Variants in KATNAL2 observed in about 807,000 individuals in gnomAD.
The protein encoded by KATNAL2 is katanin catalytic subunit A1 like 2, also known as katanin p60 ATPase-containing subunit A-like 2.
KATNAL2 carries 52 observed loss-of-function variants against 76.3 expected under a neutral mutation model. That is an observed-to-expected ratio of 0.68 (90% CI 0.55 to 0.86). The LOEUF is 0.86. KATNAL2 is among the 40% of genes least tolerant of loss of function. The pLI, the probability that KATNAL2 is intolerant of heterozygous loss-of-function variation, is 0.00. For synonymous variants in KATNAL2, 243 were observed against 244.2 expected, an observed-to-expected ratio of 1.00 and a Z score of 0.05; for missense variants, 660 against 668.9, an observed-to-expected ratio of 0.99 and a Z score of 0.15.
intron 15 of KATNAL2, among the ~76,000 whole-genome samples, chr18:47,097,797 TG>T (rs1264855493): frequency 1.3e-5 from 2 of 152,206 alleles, no homozygotes; most frequent in African/African-American, 4.8e-5. Flanking sequence ...ACTTGTGTCA[TG>T]GGGGTTTGCT....
chr18:47,063,814 G>A (rs973729545), intron 10 of KATNAL2, among the ~76,000 whole-genome samples: 10 of 152,248 alleles, frequency 6.6e-5, no homozygotes, highest in Admixed American at 1.3e-4. Flanking sequence ...TCCAGACTAC[G>A]GACTTTTCCA....
At chr18:46,930,547 G>A (rs1373579909) in intron 1 of KATNAL2, among the ~76,000 whole-genome samples, 2 of 152,174 alleles carry the variant, frequency 1.3e-5, no homozygotes, top group South Asian at 2.1e-4. Context: ...CGGGTGCGAC[G>A]GCTCACACCT....
At chr18:46,930,797 A>G (rs900926940) in intron 1 of KATNAL2, among the ~76,000 whole-genome samples, 1 of 149,944 alleles carries the variant, frequency 6.7e-6, no homozygotes, top group Non-Finnish European at 1.5e-5. Flanking sequence ...ACAGAGTGAG[A>G]CTCCATGTTA....
At chr18:47,043,907 G>A in intron 3 of KATNAL2, among the ~76,000 whole-genome samples, 1 of 152,048 alleles carries the variant, frequency 6.6e-6, no homozygotes, top group Non-Finnish European at 1.5e-5. Flanking sequence ...TCCTAATAAT[G>A]TAATCAGCAA....
chr18:47,034,314 C>A (rs2060646628), intron 3 of KATNAL2: 1 of 1,612,846 alleles, frequency 6.2e-7, no homozygotes, highest in Non-Finnish European at 8.5e-7. Context: ...CTAGACTGGG[C>A]CTCTTCTTGT....
intron 3 of KATNAL2, chr18:47,034,973 G>C (rs963166141): frequency 6.2e-7 from 1 of 1,611,572 alleles, no homozygotes; most frequent in African/African-American, 1.3e-5. Context: ...TCCCCGAAGC[G>C]CTGTCGGGAA....
At chr18:47,043,093 G>A (rs1447839999) in intron 3 of KATNAL2, among the ~76,000 whole-genome samples, 1 of 152,076 alleles carries the variant, frequency 6.6e-6, no homozygotes, top group Non-Finnish European at 1.5e-5. Flanking sequence ...CGAGCGTGGT[G>A]GCGGGCGTCT....
chr18:47,034,460 C>A, intron 3 of KATNAL2: 1 of 1,614,170 alleles, frequency 6.2e-7, no homozygotes, highest in Non-Finnish European at 8.5e-7. Flanking sequence ...CTGGCACTTG[C>A]CCAGGAGGGC....
chr18:47,090,703 G>A (rs553033730), intron 15 of KATNAL2, among the ~76,000 whole-genome samples: 5 of 152,268 alleles, frequency 3.3e-5, no homozygotes, highest in African/African-American at 7.2e-5. Flanking sequence ...AACATGACTC[G>A]ACTTTTGATA....
At chr18:47,035,293 C>G (rs1244699447) in intron 3 of KATNAL2, 2 of 1,611,834 alleles carry the variant, frequency 1.2e-6, no homozygotes, top group South Asian at 2.2e-5. Flanking sequence ...GCGTCGCTGT[C>G]CCGGCGGTCG....
At chr18:47,042,739 A>T (rs2061004514) in intron 3 of KATNAL2, among the ~76,000 whole-genome samples, 1 of 152,206 alleles carries the variant, frequency 6.6e-6, no homozygotes, top group African/African-American at 2.4e-5. Context: ...TCAGTTCAGG[A>T]TATCCCCTAT....
intron 5 of KATNAL2, among the ~76,000 whole-genome samples, chr18:47,053,722 G>C (rs918724058): frequency 6.6e-6 from 1 of 152,212 alleles, no homozygotes; most frequent in Admixed American, 6.5e-5. Context: ...GGGAAACCAA[G>C]AGGAACATCA....
intron 3 of KATNAL2, among the ~76,000 whole-genome samples, chr18:46,952,651 G>A (rs1280080681): frequency 2.6e-5 from 4 of 151,784 alleles, no homozygotes; most frequent in South Asian, 2.1e-4. Flanking sequence ...CACCTGCCTC[G>A]GCCTTCTGAA....
intron 1 of KATNAL2, among the ~76,000 whole-genome samples, chr18:46,931,149 A>T (rs2059401571): frequency 6.8e-6 from 1 of 146,328 alleles, no homozygotes; most frequent in South Asian, 2.2e-4. Flanking sequence ...TAAATAAATA[A>T]ATTAGCCAGG....
intron 3 of KATNAL2, among the ~76,000 whole-genome samples, chr18:47,040,073 C>T (rs2060911620): frequency 6.6e-6 from 1 of 152,186 alleles, no homozygotes; most frequent in African/African-American, 2.4e-5. Flanking sequence ...TTATTTACAG[C>T]AGGTCTGCAA....
At chr18:47,033,015 G>A in intron 3 of KATNAL2, 1 of 1,614,136 alleles carries the variant, frequency 6.2e-7, no homozygotes, top group Non-Finnish European at 8.5e-7. Flanking sequence ...ATCGTCGGGA[G>A]AATCTTCTCT....
chr18:47,031,277 G>A (rs115006944), intron 3 of KATNAL2, among the ~76,000 whole-genome samples: 2 of 151,630 alleles, frequency 1.3e-5, no homozygotes, highest in Non-Finnish European at 2.9e-5. Flanking sequence ...TTTGGGCAGC[G>A]GAGTTCCACT....
intron 13 of KATNAL2, among the ~76,000 whole-genome samples, chr18:47,070,831 A>G (rs1180818138): frequency 2.0e-5 from 3 of 152,220 alleles, no homozygotes; most frequent in Non-Finnish European, 1.5e-5. Flanking sequence ...TACCCATTCA[A>G]GATGGTAATT....
At chr18:47,049,469 A>G (rs2061272863) in intron 4 of KATNAL2, among the ~76,000 whole-genome samples, 1 of 152,206 alleles carries the variant, frequency 6.6e-6, no homozygotes, top group Non-Finnish European at 1.5e-5. Context: ...CTGAGTTAAA[A>G]TACCTCAAGG....
Sources: gnomAD v4.1 joint callset for allele counts (sites outside exome capture counted in the v4.1 genomes callset) on GRCh38, gnomAD v4.1.1 for gene constraint, MANE v1.5 for transcripts, NCBI Gene and HGNC (gene_info 2026-07-23, HGNC 2026-07-21) for gene names.